Variants in TBCK observed in about 807,000 individuals in gnomAD.
TBCK encodes TBC domain-containing protein kinase-like protein.
Under a neutral mutation model 113.4 loss-of-function variants are expected in TBCK, and 99 were observed. The observed-to-expected ratio is 0.87, with a 90% confidence interval of 0.74 to 1.03. The LOEUF (loss-of-function observed/expected upper bound fraction) is 1.03. Ranked by LOEUF, TBCK falls within the 50% of genes least tolerant of loss-of-function variation. TBCK has a pLI of 0.00. For synonymous variants in TBCK, 369 were observed against 370.8 expected, an observed-to-expected ratio of 1.00 and a Z score of 0.05; for missense variants, 1,045 against 1,061.3, an observed-to-expected ratio of 0.98 and a Z score of 0.21.
At chr4:106,140,757 C>T (rs1223430546) in intron 23 of TBCK, among the ~76,000 whole-genome samples, 1 of 138,734 alleles carries the variant, frequency 7.2e-6, no homozygotes, top group Non-Finnish European at 1.6e-5. Context: ...CACAGGATTG[C>T]TCATTCTATG....
chr4:106,278,011 TAA>T, intron 3 of TBCK, among the ~76,000 whole-genome samples: 1 of 152,312 alleles, frequency 6.6e-6, no homozygotes, highest in East Asian at 1.9e-4. Flanking sequence ...TTAAAATAGT[TAA>T]AGTTAGTTTT....
At chr4:106,309,988 T>G (rs1260332324) in intron 1 of TBCK, 1 of 152,104 alleles carries the variant, frequency 6.6e-6, no homozygotes, top group Admixed American at 6.6e-5. Flanking sequence ...GGAAACTTGC[T>G]CCATATCAAT....
At position 106,286,122 on chromosome 4, in the gene TBCK, A is replaced by G. The variant is rs578037288; in HGVS notation, c.266+8972T>C. Among the ~76,000 whole-genome samples the G allele has an allele frequency of 2.0e-5, 3 of 152,336 alleles. No individual in the cohort carries two copies. In the South Asian group the frequency reaches 6.2e-4, roughly 32 times the overall value. On this transcript the variant is annotated intron_variant, in intron 3 of 25. Coordinates refer to ENST00000394708, the MANE Select transcript of TBCK (RefSeq NM_001163435.3). The stretch of plus-strand genomic sequence containing the variant: ...AGAAAACACTGACTTTTAGTCTATT[A>G]TCAGAATAATTTAAAAATAGTACTT...
At chr4:106,119,576 T>A (rs1192994335) in intron 23 of TBCK, among the ~76,000 whole-genome samples, 1 of 152,158 alleles carries the variant, frequency 6.6e-6, no homozygotes, top group Non-Finnish European at 1.5e-5. Context: ...GAAAACATTG[T>A]GGAAATGCTT....
At chr4:106,304,744 T>G in intron 2 of TBCK, among the ~76,000 whole-genome samples, 1 of 152,196 alleles carries the variant, frequency 6.6e-6, no homozygotes, top group African/African-American at 2.4e-5. Flanking sequence ...TCTCCATTTC[T>G]GTCTAAGCAG....
At chr4:106,123,680 C>T (rs191984724) in intron 23 of TBCK, among the ~76,000 whole-genome samples, 2 of 152,000 alleles carry the variant, frequency 1.3e-5, no homozygotes, top group Non-Finnish European at 2.9e-5. Context: ...AGAACAGAGC[C>T]CTCAGAAATA....
intron 25 of TBCK, among the ~76,000 whole-genome samples, chr4:106,090,273 T>A (rs1458961240): frequency 1.3e-5 from 2 of 152,226 alleles, no homozygotes; most frequent in African/African-American, 4.8e-5. Flanking sequence ...CTTGGCCCAG[T>A]TAAGCTGTGG....
intron 24 of TBCK, among the ~76,000 whole-genome samples, chr4:106,113,680 T>C (rs985097923): frequency 1.3e-5 from 2 of 152,148 alleles, no homozygotes; most frequent in African/African-American, 2.4e-5. Context: ...TCGGACGACA[T>C]AGGCCCTGGA....
chr4:106,263,168 CCTTT>C (rs1202020484), intron 3 of TBCK, among the ~76,000 whole-genome samples: 1 of 151,756 alleles, frequency 6.6e-6, no homozygotes, highest in Non-Finnish European at 1.5e-5. Context: ...TTAACATTTT[CCTTT>C]CTATCCATTT....
chr4:106,043,382 G>A lies in TBCK; in HGVS notation c.*3188C>T, dbSNP rs1328229766. Reference sequence around the variant, plus strand: ...TACTATCAGGTACCAGATAAGTTTGGCAGTTGAAAAAAATTACCACAGGTT... The same window carrying A: ...TACTATCAGGTACCAGATAAGTTTGACAGTTGAAAAAAATTACCACAGGTT... On this transcript the variant is annotated 3_prime_UTR_variant, in exon 26 of 26. Transcript: ENST00000394708. The A allele has an allele frequency of 6.6e-6, 1 of 151,828 alleles. No homozygotes were observed. The highest frequency in any genetic ancestry group is 1.5e-5 in the Non-Finnish European group (1 of 67,990). 9.4% of individuals were successfully genotyped at this position (151,828 alleles called of 1,614,324 possible). A position where few individuals can be genotyped will look rare whatever the true frequency, so the allele number is the denominator to read the frequency against.
intron 25 of TBCK, among the ~76,000 whole-genome samples, chr4:106,087,595 T>C (rs371476500): frequency 6.6e-6 from 1 of 152,182 alleles, no homozygotes; most frequent in Non-Finnish European, 1.5e-5. Context: ...AAATTTCATA[T>C]GAAATCAAAG....
At chr4:106,214,710 C>A (rs1756643595) in intron 19 of TBCK, among the ~76,000 whole-genome samples, 1 of 151,962 alleles carries the variant, frequency 6.6e-6, no homozygotes, top group African/African-American at 2.4e-5. Flanking sequence ...CAATATGGGA[C>A]TATGTGAAAA....
chr4:106,233,652 T>G lies in TBCK; in HGVS notation c.1450-2A>C. ...ATCGTACTTGGCATGAATAGCTCCC[T>G]GCAAAAAATAAAAGAAGATATATTA... On this transcript the variant is annotated splice_acceptor_variant, in intron 15 of 25. Transcript: ENST00000394708. LOFTEE classifies it high-confidence loss of function. The G allele has an allele frequency of 6.2e-7, 1 of 1,601,990 alleles. No homozygotes were observed.
intron 25 of TBCK, among the ~76,000 whole-genome samples, chr4:106,084,384 G>A (rs1739257462): frequency 6.6e-6 from 1 of 152,040 alleles, no homozygotes; most frequent in Admixed American, 6.6e-5. Flanking sequence ...GACAAGTATA[G>A]AGAAAAAAGA....
At chr4:106,167,370 A>C (rs1022918708) in intron 23 of TBCK, among the ~76,000 whole-genome samples, 4 of 151,324 alleles carry the variant, frequency 2.6e-5, no homozygotes, top group African/African-American at 7.3e-5. Context: ...AATTGGTGGA[A>C]TGCATCAAAA....
intron 23 of TBCK, among the ~76,000 whole-genome samples, chr4:106,140,656 A>T (rs373251204): frequency 7.1e-6 from 1 of 141,118 alleles, no homozygotes; most frequent in East Asian, 2.0e-4. Flanking sequence ...ACTGAAATTT[A>T]TTATTTAACT....
intron 9 of TBCK, 48 bp from the exon 10 acceptor site, chr4:106,247,335 T>C: frequency 5.1e-6 from 8 of 1,579,040 alleles, no homozygotes; most frequent in Non-Finnish European, 6.9e-6. Flanking sequence ...CATAAAAAAT[T>C]TCCTAGAATA....
chr4:106,264,506 G>GT (rs570049734), intron 3 of TBCK, among the ~76,000 whole-genome samples: 4 of 152,064 alleles, frequency 2.6e-5, no homozygotes, highest in African/African-American at 7.2e-5. Context: ...GTCAGAAGAC[G>GT]TAAGGCCCTT....
rs1734086803 is a variant in TBCK at position 106,044,975 on chromosome 4, T to G, written c.*1595A>C. 1 of 152,108 alleles carries G rather than the reference T, an allele frequency of 6.6e-6. No individual in the cohort carries two copies. Among genetic ancestry groups the G allele is most frequent in the Non-Finnish European group, 1.5e-5 (1 of 68,028 alleles). The allele number at this position is 152,108 out of a possible 1,614,324, so 9.4% of individuals were successfully genotyped here. A position where few individuals can be genotyped will look rare whatever the true frequency, so the allele number is the denominator to read the frequency against. The stretch of plus-strand genomic sequence containing the variant: ...GAACACTTTTTAGTTAAAACAAAAT[T>G]GAAGATAATTAAAGGATATGCTATA... On this transcript the variant is annotated 3_prime_UTR_variant, in exon 26 of 26. Transcript: ENST00000394708.
Sources: gnomAD v4.1 joint callset for allele counts (sites outside exome capture counted in the v4.1 genomes callset) on GRCh38, gnomAD v4.1.1 for gene constraint, MANE v1.5 for transcripts, NCBI Gene and HGNC (gene_info 2026-07-23, HGNC 2026-07-21) for gene names.